MTA3: variants seen among roughly 807,000 people sequenced by gnomAD.
The protein encoded by MTA3 is metastasis associated 1 family member 3.
MTA3 carries 34 observed loss-of-function variants against 83.5 expected under a neutral mutation model. That is an observed-to-expected ratio of 0.41 (90% confidence interval 0.31 to 0.54). The LOEUF (loss-of-function observed/expected upper bound fraction) is 0.54, where lower values mean the gene tolerates loss of function less well. Ranked by LOEUF, MTA3 falls within the 20% of genes least tolerant of loss-of-function variation. The pLI is 0.33. For synonymous variants in MTA3, 303 were observed against 252.7 expected (o/e 1.20, Z -1.89); for missense variants, 761 against 726.4 (o/e 1.05, Z -0.55).
chr2:42,600,375 A>C (rs2103994848), intron 3 of MTA3, among the ~76,000 whole-genome samples: 1 of 152,258 alleles, frequency 6.6e-6, no homozygotes, highest in Non-Finnish European at 1.5e-5. Flanking sequence ...TTACCCTCCA[A>C]CTGATTCTTA....
intron 16 of MTA3, among the ~76,000 whole-genome samples, chr2:42,738,136 C>T (rs981190594): frequency 4.6e-5 from 7 of 152,080 alleles, no homozygotes; most frequent in African/African-American, 1.7e-4. Context: ...GTGGCATGTG[C>T]CTGTAGTCCC....
intron 2 of MTA3, among the ~76,000 whole-genome samples, chr2:42,506,693 G>A: frequency 6.6e-6 from 1 of 151,780 alleles, no homozygotes; most frequent in East Asian, 1.9e-4. Context: ...CCAGGCTGGA[G>A]TACAGTGGCA....
intron 16 of MTA3, among the ~76,000 whole-genome samples, chr2:42,729,260 C>G (rs1385043409): frequency 6.6e-6 from 1 of 151,348 alleles, no homozygotes; most frequent in African/African-American, 2.4e-5. Context: ...CCACGCCCGG[C>G]TAATTTTTTG....
chr2:42,709,303 A>C, intron 14 of MTA3: 1 of 1,398,444 alleles, frequency 7.2e-7, no homozygotes, highest in Non-Finnish European at 9.3e-7. Context: ...AAACATTGAA[A>C]CTTCTGTACT....
intron 16 of MTA3, among the ~76,000 whole-genome samples, chr2:42,733,404 C>T (rs928416735): frequency 6.6e-6 from 1 of 152,184 alleles, no homozygotes; most frequent in Non-Finnish European, 1.5e-5. Context: ...TTACCTCCCT[C>T]TGGGTCCCTA....
chr2:42,589,584 G>C (rs991320390), intron 3 of MTA3, among the ~76,000 whole-genome samples: 3 of 152,124 alleles, frequency 2.0e-5, no homozygotes, highest in South Asian at 2.1e-4. Context: ...AGAGAGTTTT[G>C]CTCTTTCACC....
rs1666396424 is a variant in MTA3, at chr2:42,709,277, T to G, written c.1525+181T>G. On this transcript the variant is annotated intron_variant, in intron 14 of 16. Transcript: ENST00000405094. ...TGCTGCCATTTGTATCATGCCAACC[T>G]GGAAAAAAAAAATCAAAACATTGAA... The G allele has an allele frequency of 2.0e-5, 27 of 1,340,554 alleles. No individual in the cohort carries two copies. In the South Asian group the frequency reaches 4.5e-4, roughly 22 times the overall value. 83.0% of individuals were successfully genotyped at this position (1,340,554 alleles called of 1,614,324 possible).
At chr2:42,721,358 C>T (rs1667396866) in intron 15 of MTA3, among the ~76,000 whole-genome samples, 1 of 147,138 alleles carries the variant, frequency 6.8e-6, no homozygotes, top group African/African-American at 2.5e-5. Flanking sequence ...GATAGAGTCT[C>T]ACTCTGTCAC....
chr2:42,650,361 A>G (rs1306964341), intron 6 of MTA3, among the ~76,000 whole-genome samples: 1 of 152,208 alleles, frequency 6.6e-6, no homozygotes, highest in Non-Finnish European at 1.5e-5. Context: ...TTATAATACT[A>G]TGTACATTTT....
chr2:42,695,705 T>G (rs1693331387), intron 9 of MTA3, 60 bp from the exon 10 acceptor site: 3 of 1,009,022 alleles, frequency 3.0e-6, no homozygotes, highest in Non-Finnish European at 2.9e-6. Flanking sequence ...TAGTAGCTTA[T>G]TTTCATCTCA....
At chr2:42,682,944 T>A (rs1360550445) in intron 9 of MTA3, among the ~76,000 whole-genome samples, 1 of 152,114 alleles carries the variant, frequency 6.6e-6, no homozygotes, top group Non-Finnish European at 1.5e-5. Context: ...TGGTGGCACG[T>A]GCCTGTAGCC....
chr2:42,712,716 T>G (rs1483707512), intron 14 of MTA3: 1 of 152,120 alleles, frequency 6.6e-6, no homozygotes, highest in East Asian at 1.9e-4. Context: ...ACAGCAAGGT[T>G]ATAAAATACC....
upstream of MTA3, among the ~76,000 whole-genome samples, chr2:42,567,263 C>A (rs1166160115): frequency 6.6e-6 from 1 of 152,150 alleles, no homozygotes; most frequent in African/African-American, 2.4e-5. Flanking sequence ...AACTCACGTC[C>A]CCATTTTATA....
intron 2 of MTA3, among the ~76,000 whole-genome samples, chr2:42,570,942 G>A (rs1281743074): frequency 2.6e-5 from 4 of 151,846 alleles, no homozygotes; most frequent in Non-Finnish European, 5.9e-5. Flanking sequence ...GAACCCGGGA[G>A]GCGGAGGTTG....
chr2:42,582,512 G>T lies in MTA3; in HGVS notation c.190+3312G>T, dbSNP rs113481908. Among the ~76,000 whole-genome samples, 216 of 152,246 alleles carry T rather than the reference G, an allele frequency of 1.4e-3. 1 individual carries two copies. Among genetic ancestry groups the T allele is most frequent in the Middle Eastern group, 3.4e-3 (1 of 294 alleles). ...TTCTAAAAAGCAATATCTTGGCCAG[G>T]AGTGGTGGCTCATGCTTGTAATCTC... On this transcript the variant is annotated intron_variant, in intron 3 of 16. Transcript: ENST00000405094.
At chr2:42,578,231 G>T (rs1573033638) in intron 2 of MTA3, among the ~76,000 whole-genome samples, 1 of 152,268 alleles carries the variant, frequency 6.6e-6, no homozygotes, top group South Asian at 2.1e-4. Context: ...ATTATAATCT[G>T]TGTGTTTTTA....
intron 3 of MTA3, among the ~76,000 whole-genome samples, chr2:42,593,760 G>A (rs4952881): frequency 6.6e-6 from 1 of 151,704 alleles, no homozygotes; most frequent in East Asian, 1.9e-4. Context: ...AATGGAACCT[G>A]TGAATAGCCA....
intron 2 of MTA3, among the ~76,000 whole-genome samples, chr2:42,540,577 C>G (rs1251431791): frequency 1.3e-5 from 2 of 152,018 alleles, no homozygotes; most frequent in Admixed American, 1.3e-4. Context: ...GCTCACACCT[C>G]TAATCCCAGG....
chr2:42,749,347 T>G (rs1669690905), intron 16 of MTA3, among the ~76,000 whole-genome samples: 1 of 152,242 alleles, frequency 6.6e-6, no homozygotes, highest in Non-Finnish European at 1.5e-5. Flanking sequence ...AGAGTGGCTC[T>G]CACTTTGTCT....
Sources: gnomAD v4.1 joint callset for allele counts (sites outside exome capture counted in the v4.1 genomes callset) on GRCh38, gnomAD v4.1.1 for gene constraint, MANE v1.5 for transcripts, NCBI Gene and HGNC (gene_info 2026-07-23, HGNC 2026-07-21) for gene names.